The following VPS50 variants were observed in gnomAD, a reference collection of about 807,000 sequenced individuals.
VPS50 encodes the protein VPS50 subunit of EARP/GARPII complex, also known as syndetin.
Under a neutral mutation model 139.7 loss-of-function variants are expected in VPS50, and 70 were observed. The ratio of observed to expected loss-of-function variants is 0.50; its 90% CI spans 0.41 to 0.61. The LOEUF is 0.61. Among genes scored for constraint, VPS50 ranks in the 20% least tolerant of loss-of-function variants. VPS50 has a pLI of 0.00. For missense variants in VPS50, 921 were observed against 1,133.7 expected, an observed-to-expected ratio of 0.81 and a Z score of 2.69; for synonymous variants, 365 against 376.7, an observed-to-expected ratio of 0.97 and a Z score of 0.36.
At chr7:93,269,170 A>G (rs1795932938) in intron 9 of VPS50, among the ~76,000 whole-genome samples, 1 of 152,088 alleles carries the variant, frequency 6.6e-6, no homozygotes, top group Non-Finnish European at 1.5e-5. Flanking sequence ...AAGTGTTAAG[A>G]TACTGCCATA....
Position 93,281,527 on chromosome 7 carries a change from T to C in VPS50, c.942+5222T>C, listed in dbSNP as rs554781727. 2.1e-4 allele frequency among the ~76,000 whole-genome samples: 32 copies of C among 152,308 alleles called. 1 individual carries two copies. Among genetic ancestry groups the C allele is most frequent in the African/African-American group, 7.7e-4 (32 of 41,580 alleles). ...TTAATGCTAAAGTTAATGTTCATGT[T>C]TAGTACCCATTTTGTTTTGGGTTCT... On this transcript the variant is annotated intron_variant, in intron 12 of 27. Transcript: ENST00000305866.
At chr7:93,345,407 G>A (rs1004221338) in intron 23 of VPS50, among the ~76,000 whole-genome samples, 31 of 152,132 alleles carry the variant, frequency 2.0e-4, no homozygotes, top group Non-Finnish European at 3.5e-4. Context: ...GGTACAAGGA[G>A]GAACTGGTAC....
chr7:93,333,853 GA>G (rs1396966913), intron 21 of VPS50: 1 of 383,828 alleles, frequency 2.6e-6, no homozygotes, highest in East Asian at 6.0e-5. Flanking sequence ...TCGCGAGAAA[GA>G]AATTCTGGAG....
chr7:93,297,790 T>A (rs1796855456), intron 16 of VPS50, among the ~76,000 whole-genome samples: 1 of 152,184 alleles, frequency 6.6e-6, no homozygotes. Flanking sequence ...TGGGAAAGAA[T>A]GTTTATAATA....
intron 24 of VPS50, 115 bp downstream of exon 24, chr7:93,348,922 G>T: frequency 3.0e-6 from 2 of 655,952 alleles, no homozygotes; most frequent in Non-Finnish European, 5.3e-6. Context: ...CCCCAGGAGA[G>T]CCAGATAAAA....
chr7:93,294,350 C>G (rs1796738504), intron 13 of VPS50, among the ~76,000 whole-genome samples, 195 bp from the exon 14 acceptor site: 1 of 152,056 alleles, frequency 6.6e-6, no homozygotes, highest in African/African-American at 2.4e-5. Context: ...ATTTCATAGT[C>G]TACGTTTATT....
chr7:93,342,267 G>C (rs183392507), intron 23 of VPS50, among the ~76,000 whole-genome samples: 3 of 152,294 alleles, frequency 2.0e-5, no homozygotes, highest in African/African-American at 7.2e-5. Context: ...GTGCTTTTCC[G>C]ACGGGCTTAA....
At position 93,271,240 on chromosome 7, in the gene VPS50, A is replaced by G; in HGVS notation, c.680A>G (p.Gln227Arg). The G allele has an allele frequency of 1.3e-6, 2 of 1,565,004 alleles. No homozygotes were observed. The highest frequency in any genetic ancestry group is 1.7e-6 in the Non-Finnish European group (2 of 1,162,374). The change falls in exon 10 of 28, where the codon CAA (glutamine) becomes CGA (arginine). Residue 227 changes from glutamine (Q) to arginine (R), a missense_variant. Transcript: ENST00000305866. ...SCISELNSKL[Q>R]DTLEQIEEQL... ...AATAGTGAACTGAATTCAAAGCTGC[A>G]AGATACTTTGGAACAGATTGAGGTA...
At chr7:93,335,644 C>T (rs189463692) in intron 22 of VPS50, among the ~76,000 whole-genome samples, 10 of 152,096 alleles carry the variant, frequency 6.6e-5, no homozygotes, top group Non-Finnish European at 1.5e-4. Flanking sequence ...GCCCCACTTG[C>T]AGTTTTCTGT....
chr7:93,297,128 C>T lies in VPS50; in HGVS notation c.1263-17C>T. ...AGGCTGCTGCTGAAATTTACTGAAA[C>T]CTTTTTATCCAACTAGGTTGATGCA... On this transcript the variant is annotated splice_polypyrimidine_tract_variant and intron_variant, in intron 15 of 27. Transcript: ENST00000305866. The T allele has an allele frequency of 1.3e-6, 2 of 1,549,798 alleles. No individual in the cohort carries two copies. The highest frequency in any genetic ancestry group is 1.7e-6 in the Non-Finnish European group (2 of 1,160,064).
chr7:93,280,338 A>T (rs571143747), intron 12 of VPS50, among the ~76,000 whole-genome samples: 6 of 152,088 alleles, frequency 3.9e-5, no homozygotes, highest in South Asian at 2.1e-4. Flanking sequence ...TTCTTTTTTT[A>T]AAAAAAGTAG....
chr7:93,296,593 A>G (rs1796817846), intron 14 of VPS50, 149 bp from the exon 15 acceptor site: 1 of 1,382,262 alleles, frequency 7.2e-7, no homozygotes, highest in South Asian at 1.5e-5. Flanking sequence ...TCCCTTAAGG[A>G]TGTTGGCTAT....
chr7:93,356,730 T>A (rs1798718302), intron 27 of VPS50, among the ~76,000 whole-genome samples: 1 of 152,200 alleles, frequency 6.6e-6, no homozygotes, highest in Non-Finnish European at 1.5e-5. Flanking sequence ...CTTTTCTGTA[T>A]ATGGCATGTG....
chr7:93,246,243 G>A (rs1225978127), intron 2 of VPS50: 11 of 693,388 alleles, frequency 1.6e-5, no homozygotes, highest in African/African-American at 1.3e-4. Context: ...GTGGCAAACC[G>A]CAAATCATGC....
intron 9 of VPS50, among the ~76,000 whole-genome samples, chr7:93,267,097 T>C (rs1239302193): frequency 6.6e-6 from 1 of 152,242 alleles, no homozygotes; most frequent in African/African-American, 2.4e-5. Context: ...CCATTTGTTT[T>C]GATAGAGAAG....
chr7:93,240,964 G>A (rs756725237), intron 2 of VPS50, among the ~76,000 whole-genome samples: 2 of 152,178 alleles, frequency 1.3e-5, no homozygotes, highest in East Asian at 3.9e-4. Flanking sequence ...AAAGCATTCC[G>A]TATAGTTTTA....
At position 93,302,892 on chromosome 7, in the gene VPS50, G is replaced by A. The variant is rs558165740; in HGVS notation, c.1362-568G>A. Among the ~76,000 whole-genome samples, 14 of 152,086 alleles carry A rather than the reference G, an allele frequency of 9.2e-5. No individual in the cohort carries two copies. In the South Asian group the frequency reaches 1.9e-3, roughly 20 times the overall value. The stretch of plus-strand genomic sequence containing the variant: ...TTAAAGAAAGAAAAGAGATCAGTAT[G>A]GTGTAAGTGATTAGTGTAATGTCAA... On this transcript the variant is annotated intron_variant, in intron 16 of 27. Coordinates refer to ENST00000305866, the MANE Select transcript of VPS50 (RefSeq NM_017667.4).
rs1227612546 is a variant in VPS50, at chr7:93,360,032, A to T, written c.*1596A>T. ...CTGCCTGTAGCCATTATTTATATGC[A>T]GCCACTTGAAGAAAACAAACATGAG... On this transcript the variant is annotated 3_prime_UTR_variant, in exon 28 of 28. Transcript: ENST00000305866. 6.6e-6 allele frequency: 1 copy of T among 152,188 alleles called. No homozygotes were observed. Among genetic ancestry groups the T allele is most frequent in the Non-Finnish European group, 1.5e-5 (1 of 68,032 alleles). 9.4% of individuals were successfully genotyped at this position (152,188 alleles called of 1,614,324 possible).
chr7:93,347,599 C>G (rs371029423), intron 23 of VPS50, among the ~76,000 whole-genome samples: 18 of 139,026 alleles, frequency 1.3e-4, no homozygotes, highest in African/African-American at 1.5e-4. Flanking sequence ...ATGATAGACT[C>G]GATTAAGAAA....
Sources: gnomAD v4.1 joint callset for allele counts (sites outside exome capture counted in the v4.1 genomes callset) on GRCh38, gnomAD v4.1.1 for gene constraint, MANE v1.5 for transcripts, NCBI Gene and HGNC (gene_info 2026-07-23, HGNC 2026-07-21) for gene names.